KATNIP: variants seen among roughly 807,000 people sequenced by gnomAD.
The protein encoded by KATNIP is katanin interacting protein.
A neutral mutation model predicts 174.0 loss-of-function variants in KATNIP; 126 were observed. That is an observed-to-expected ratio of 0.72 (90% confidence interval 0.63 to 0.84). The LOEUF (loss-of-function observed/expected upper bound fraction) is 0.84, where lower values mean the gene tolerates loss of function less well. Ranked by LOEUF, KATNIP falls within the 40% of genes least tolerant of loss-of-function variation. KATNIP has a pLI of 0.00. For synonymous variants in KATNIP, 810 were observed against 835.7 expected (o/e 0.97, Z 0.53); for missense variants, 1,958 against 2,109.7 (o/e 0.93, Z 1.41).
At chr16:27,733,779 C>G (rs1024459546) in intron 14 of KATNIP, among the ~76,000 whole-genome samples, 7 of 152,036 alleles carry the variant, frequency 4.6e-5, no homozygotes, top group Non-Finnish European at 8.8e-5. Flanking sequence ...AAGGATTTTC[C>G]CCCTGGATCC....
At chr16:27,614,555 T>G (rs961020527) in intron 2 of KATNIP, among the ~76,000 whole-genome samples, 2 of 152,220 alleles carry the variant, frequency 1.3e-5, no homozygotes, top group Admixed American at 1.3e-4. Flanking sequence ...GCAGTCCTCC[T>G]GCATCAGCCA....
At chr16:27,639,584 C>T (rs1014304624) in intron 5 of KATNIP, among the ~76,000 whole-genome samples, 1 of 152,216 alleles carries the variant, frequency 6.6e-6, no homozygotes, top group African/African-American at 2.4e-5. Context: ...TTAAAGGTCT[C>T]TAAAGCAAGT....
At chr16:27,753,028 C>T (rs2081576566) in intron 17 of KATNIP, among the ~76,000 whole-genome samples, 1 of 152,044 alleles carries the variant, frequency 6.6e-6, no homozygotes, top group African/African-American at 2.4e-5. Flanking sequence ...AGCAACATGT[C>T]GTGTGGACCC....
intron 1 of KATNIP, among the ~76,000 whole-genome samples, chr16:27,564,414 A>G (rs1263836906): frequency 1.3e-5 from 2 of 152,118 alleles, no homozygotes; most frequent in Admixed American, 6.6e-5. Flanking sequence ...CTCTTACCTA[A>G]TTATGAAGCT....
In KATNIP at chr16:27,776,904, T is replaced by C. The variant is rs758940880; in HGVS notation, c.4450-24T>C. 6.5e-7 allele frequency: 1 copy of C among 1,543,036 alleles called. No homozygotes were observed. The highest frequency in any genetic ancestry group is 1.1e-5 in the South Asian group (1 of 89,388). On this transcript the variant is annotated intron_variant, in intron 24 of 27. Coordinates refer to ENST00000261588, the MANE Select transcript of KATNIP (RefSeq NM_015202.5). This position sits in a 1 kb window ranked among gnomAD's most constrained non-coding sequence, Gnocchi z 4.7. ...GCCTCTGTTTCCAAACATGCCTGTTTTAATTAGTGCCGCTCTCTGACAGGT... is the reference window on the plus strand; with the variant it reads ...GCCTCTGTTTCCAAACATGCCTGTTCTAATTAGTGCCGCTCTCTGACAGGT...
chr16:27,667,625 T>C (rs1163617539), intron 6 of KATNIP, among the ~76,000 whole-genome samples: 1 of 152,162 alleles, frequency 6.6e-6, no homozygotes, highest in Non-Finnish European at 1.5e-5. Context: ...CAGTGATCTC[T>C]ACCCCCAAGA....
At position 27,749,604 on chromosome 16, in the gene KATNIP, A is replaced by T; in HGVS notation, c.2644A>T (p.Thr882Ser). ...TCCAGAAGACACCTGGTCTTCCAGG[A>T]CGCCGTCACGGTCAAGGTGGCGCAG... The part of the protein sequence containing the change: ...ASREDTWSSR[T>S]PSRSRWRSEQ... The change falls in exon 16 of 28, where the codon ACG becomes TCG. Residue 882 changes from threonine to serine, a missense_variant. Physicochemically the swap from Thr to Ser is moderately conservative, Grantham distance 58 (BLOSUM62 1). This residue lies in a region of KATNIP where 1,557 missense variants were observed against 1,617.8 expected (regional missense o/e 0.96). Transcript: ENST00000261588. 1 of 1,531,610 alleles carries T rather than the reference A, an allele frequency of 6.5e-7. No individual in the cohort carries two copies. Among genetic ancestry groups the T allele is most frequent in the Non-Finnish European group, 8.8e-7 (1 of 1,140,610 alleles). 94.9% of individuals were successfully genotyped at this position (1,531,610 alleles called of 1,614,324 possible).
At chr16:27,622,466 G>T (rs768129030) in intron 3 of KATNIP, among the ~76,000 whole-genome samples, 1 of 152,120 alleles carries the variant, frequency 6.6e-6, no homozygotes, top group Non-Finnish European at 1.5e-5. Flanking sequence ...TCATAAAAGG[G>T]CAGGCGGAGT....
chr16:27,602,707 CT>C (rs199621650), intron 2 of KATNIP, among the ~76,000 whole-genome samples: 1 of 151,360 alleles, frequency 6.6e-6, no homozygotes, highest in African/African-American at 2.4e-5. Context: ...TCTTCTTCTT[CT>C]TTTTTTTTGA....
intron 1 of KATNIP, among the ~76,000 whole-genome samples, chr16:27,565,729 A>T (rs2090061237): frequency 6.6e-6 from 1 of 151,458 alleles, no homozygotes; most frequent in Admixed American, 6.6e-5. Flanking sequence ...GACTGCAGTG[A>T]GCTATGATCA....
intron 5 of KATNIP, among the ~76,000 whole-genome samples, chr16:27,642,467 A>C (rs1313079760): frequency 1.3e-5 from 2 of 152,128 alleles, no homozygotes; most frequent in Non-Finnish European, 2.9e-5. Flanking sequence ...AAAAATTCAA[A>C]TCAATGATGA....
Position 27,760,978 on chromosome 16 carries a change from GGA to G in KATNIP, c.3632-427_3632-426del, listed in dbSNP as rs201857950. Among the ~76,000 whole-genome samples, 532 of 152,304 alleles carry G rather than the reference GGA, an allele frequency of 3.5e-3. 6 individuals are homozygous for G. The highest frequency in any genetic ancestry group is 0.012 in the African/African-American group (505 of 41,566). On this transcript the variant is annotated intron_variant, in intron 18 of 27. Transcript: ENST00000261588. ...CAGCACATTCAAAGGCCCTGTGGTT[GGA>G]GAGAGAGGAATATAAATACGAGAAA...
intron 6 of KATNIP, among the ~76,000 whole-genome samples, chr16:27,651,908 T>TG (rs1205455396): frequency 2.0e-5 from 3 of 152,140 alleles, no homozygotes; most frequent in African/African-American, 7.2e-5. Flanking sequence ...TTAGTAGAGA[T>TG]GGGGTTTCAC....
Position 27,701,597 on chromosome 16 carries a change from C to A in KATNIP, c.1188C>A (p.Pro396=). 2 of 1,591,986 alleles carry A rather than the reference C, an allele frequency of 1.3e-6. No homozygotes were observed. The highest frequency in any genetic ancestry group is 2.3e-5 in the East Asian group (1 of 44,092). The change falls in exon 11 of 28, where the codon CCC becomes CCA. Residue 396 remains proline (P), a synonymous_variant. Coordinates refer to ENST00000261588, the MANE Select transcript of KATNIP (RefSeq NM_015202.5). ...EEKEETLELL[P]ITTATTTQEP... The stretch of plus-strand genomic sequence containing the variant: ...AGCCTTTCCATCCTCAGCTGCTTCC[C>A]ATCACCACGGCGACTACTACTCAGG...
At chr16:27,689,851 G>C (rs1417189129) in intron 8 of KATNIP, among the ~76,000 whole-genome samples, 1 of 152,162 alleles carries the variant, frequency 6.6e-6, no homozygotes, top group Non-Finnish European at 1.5e-5. Flanking sequence ...AGTTTTGTTT[G>C]TCCTGAGGAC....
At chr16:27,605,190 C>T (rs950559247) in intron 2 of KATNIP, among the ~76,000 whole-genome samples, 1 of 152,214 alleles carries the variant, frequency 6.6e-6, no homozygotes, top group African/African-American at 2.4e-5. Flanking sequence ...ACCTTGGCCT[C>T]CCAAAGTGCT....
rs1014676669 is a variant in KATNIP at position 27,748,784 on chromosome 16, T to TA, written c.2624-792dup. 8.0e-4 allele frequency among the ~76,000 whole-genome samples: 121 copies of TA among 151,732 alleles called. 1 individual carries two copies. Among genetic ancestry groups the TA allele is most frequent in the African/African-American group, 2.9e-3 (119 of 41,340 alleles). The stretch of plus-strand genomic sequence containing the variant: ...GGGCAACAGAGCGAGACCCTGTCTC[T>TA]AAAAAAAATTAAAAAGAAAGAAAAT... On this transcript the variant is annotated intron_variant, in intron 15 of 27. Coordinates refer to ENST00000261588, the MANE Select transcript of KATNIP (RefSeq NM_015202.5).
intron 3 of KATNIP, among the ~76,000 whole-genome samples, chr16:27,628,036 T>C (rs2076383513): frequency 6.6e-6 from 1 of 152,242 alleles, no homozygotes; most frequent in Non-Finnish European, 1.5e-5. Flanking sequence ...AATCCTATTG[T>C]TAACCTTGAA....
At chr16:27,737,771 G>A (rs1434844064) in intron 14 of KATNIP, among the ~76,000 whole-genome samples, 2 of 152,172 alleles carry the variant, frequency 1.3e-5, no homozygotes, top group Non-Finnish European at 2.9e-5. Context: ...CCACTCCTAG[G>A]AGAAATTCCT....
Sources: allele counts gnomAD v4.1 joint callset (sites outside exome capture counted in the v4.1 genomes callset), GRCh38; gene constraint gnomAD v4.1.1; regional missense constraint gnomAD v4.1.1; non-coding constraint Gnocchi (gnomAD v3.1); transcripts MANE v1.5; gene names NCBI Gene and HGNC (gene_info 2026-07-23, HGNC 2026-07-21).